Variants in SPEN observed in about 807,000 individuals in gnomAD.
SPEN encodes the protein spen family transcriptional repressor.
Under a neutral mutation model 269.9 loss-of-function variants are expected in SPEN, and 18 were observed. The observed-to-expected ratio is 0.07, with a 90% CI of 0.05 to 0.10. SPEN has a LOEUF of 0.10. Among genes scored for constraint, SPEN ranks in the 10% least tolerant of loss-of-function variants. The probability of loss-of-function intolerance (pLI) is 1.00; values close to 1 mark genes in which losing one functional copy is unlikely to be tolerated. For missense variants in SPEN, 3,822 were observed against 4,631.2 expected (o/e 0.83, Z 5.07); for synonymous variants, 1,726 against 1,765.7 (o/e 0.98, Z 0.56).
At chr1:15,921,010 C>A in intron 9 of SPEN, 27 bp downstream of exon 9, 1 of 1,430,982 alleles carries the variant, frequency 7.0e-7, no homozygotes, top group East Asian at 2.3e-5. Flanking sequence ...TAAACAGAAG[C>A]AAAACAAAGT....
intron 3 of SPEN, among the ~76,000 whole-genome samples, chr1:15,897,065 A>G (rs2070848398): frequency 6.6e-6 from 1 of 152,046 alleles, no homozygotes; most frequent in Non-Finnish European, 1.5e-5. Flanking sequence ...TGTCAGTTTC[A>G]CTCTACTAAT....
intron 1 of SPEN, among the ~76,000 whole-genome samples, chr1:15,859,316 C>T (rs556608604): frequency 9.3e-4 from 127 of 136,672 alleles, no homozygotes; most frequent in African/African-American, 3.3e-3. Flanking sequence ...CCACTGCACT[C>T]TATTTATAGT....
At chr1:15,879,004 C>CAAAAAAAAAAAAAAAAAAGAAAA in intron 3 of SPEN, among the ~76,000 whole-genome samples, 1 of 76,564 alleles carries the variant, frequency 1.3e-5, no homozygotes, top group Non-Finnish European at 2.5e-5. Flanking sequence ...GACTCTGTCT[C>CAAAAAAAAAAAAAAAAAAGAAAA]AAAAAAAAAA....
At chr1:15,857,829 T>A (rs7532799) in intron 1 of SPEN, among the ~76,000 whole-genome samples, 3 of 151,684 alleles carry the variant, frequency 2.0e-5, no homozygotes, top group Non-Finnish European at 4.4e-5. Flanking sequence ...TCCAGCTAAT[T>A]AAAAAAATTT....
At position 15,932,891 on chromosome 1, in the gene SPEN, G is replaced by T. The variant is rs147655905; in HGVS notation, c.6651G>T (p.Ala2217=). The change falls in exon 11 of 15, where the codon GCG becomes GCT. Residue 2217 remains alanine, a synonymous_variant. Transcript: ENST00000375759. The surrounding 1 kb of genome is among the most constrained non-coding windows in gnomAD (Gnocchi z 4.2). ...AHQASETELA[A]AIGSIINDIS... is the part of the protein sequence containing the mutation. ...AAGCAAGTGAAACAGAGCTGGCTGCGGCCATCGGCTCCATCATCAATGACA... is the reference window on the plus strand; with the variant it reads ...AAGCAAGTGAAACAGAGCTGGCTGCTGCCATCGGCTCCATCATCAATGACA... 3 of 1,614,222 alleles carry T rather than the reference G, an allele frequency of 1.9e-6. No homozygotes were observed. Among genetic ancestry groups the T allele is most frequent in the Non-Finnish European group, 2.5e-6 (3 of 1,180,042 alleles).
At chr1:15,867,480 G>A (rs1408969096) in intron 1 of SPEN, among the ~76,000 whole-genome samples, 1 of 152,158 alleles carries the variant, frequency 6.6e-6, no homozygotes, top group Non-Finnish European at 1.5e-5. Context: ...TTATAGGCCT[G>A]AGCCACCACG....
chr1:15,877,038 T>C (rs1308280051), intron 3 of SPEN, among the ~76,000 whole-genome samples: 3 of 152,216 alleles, frequency 2.0e-5, no homozygotes, highest in African/African-American at 7.2e-5. Context: ...ATTTCTATTA[T>C]TTTGATTGAA....
At chr1:15,864,102 T>C (rs906150776) in intron 1 of SPEN, among the ~76,000 whole-genome samples, 2 of 151,740 alleles carry the variant, frequency 1.3e-5, no homozygotes, top group Non-Finnish European at 2.9e-5. Flanking sequence ...CTGTATGATA[T>C]ACATATATGA....
intron 3 of SPEN, among the ~76,000 whole-genome samples, chr1:15,885,170 T>G (rs1328280315): frequency 6.6e-6 from 1 of 152,184 alleles, no homozygotes; most frequent in Non-Finnish European, 1.5e-5. Context: ...CTGGATTCAG[T>G]GGTAGATATA....
chr1:15,913,866 G>GA (rs138750153), intron 5 of SPEN, among the ~76,000 whole-genome samples: 5 of 151,980 alleles, frequency 3.3e-5, no homozygotes, highest in African/African-American at 1.2e-4. Flanking sequence ...CCAAGGGGGA[G>GA]AAAAAAAGAA....
chr1:15,906,087 C>G (rs1203861307), intron 3 of SPEN, among the ~76,000 whole-genome samples: 1 of 152,076 alleles, frequency 6.6e-6, no homozygotes, highest in East Asian at 1.9e-4. Context: ...TGTGAATAAT[C>G]TTGTATTAAT....
At position 15,931,460 on chromosome 1, in the gene SPEN, C is replaced by G; in HGVS notation, c.5220C>G (p.Ala1740=). 6.2e-7 allele frequency: 1 copy of G among 1,614,108 alleles called. No homozygotes were observed. Among genetic ancestry groups the G allele is most frequent in the Non-Finnish European group, 8.5e-7 (1 of 1,180,012 alleles). Residue 1740 remains alanine, a synonymous_variant, in exon 11 of 15, where the codon GCC becomes GCG. Coordinates refer to ENST00000375759, the MANE Select transcript of SPEN (RefSeq NM_015001.3). This position sits in a 1 kb window ranked among gnomAD's most constrained non-coding sequence, Gnocchi z 4.8. ...ATGCCAAGCCTCCAACTCCCGGGGC[C>G]TCGTTTTCCCAGGCAGAGAGCAACG... ...YLDAKPPTPG[A]SFSQAESNVD... is the part of the protein sequence containing the mutation.
chr1:15,897,871 T>TTGAA (rs535107145), intron 3 of SPEN, among the ~76,000 whole-genome samples: 209 of 152,362 alleles, frequency 1.4e-3, no homozygotes, highest in African/African-American at 4.9e-3. Context: ...TTTAGATCGC[T>TTGAA]TTTCAATAAC....
Position 15,876,682 on chromosome 1 carries a change from G to C in SPEN, c.881+4G>C. The C allele has an allele frequency of 6.2e-7, 1 of 1,602,280 alleles. No individual in the cohort carries two copies. Reference sequence around the variant, plus strand: ...GCAGTAGTACCAGCAGTGACAGGTAGGTTAACAGCCTTTTGTTATAACAGA... The same window carrying C: ...GCAGTAGTACCAGCAGTGACAGGTACGTTAACAGCCTTTTGTTATAACAGA... On this transcript the variant is annotated splice_donor_region_variant and intron_variant, in intron 3 of 14. Coordinates refer to ENST00000375759, the MANE Select transcript of SPEN (RefSeq NM_015001.3).
rs2071245012 is a variant in SPEN at position 15,933,671 on chromosome 1, A to G, written c.7431A>G (p.Ala2477=). 1.2e-6 allele frequency: 2 copies of G among 1,614,156 alleles called. No individual in the cohort carries two copies. Among genetic ancestry groups the G allele is most frequent in the Non-Finnish European group, 1.7e-6 (2 of 1,180,030 alleles). The part of the protein sequence containing the change: ...IPIPTLPSVT[A]AKLSPPVASG... ...TACCCACACTGCCTTCTGTAACTGCAGCAAAGCTCTCACCTCCTGTCGCCT... is the reference window on the plus strand; with the variant it reads ...TACCCACACTGCCTTCTGTAACTGCGGCAAAGCTCTCACCTCCTGTCGCCT... Residue 2477 remains alanine (A), a synonymous_variant, in exon 11 of 15, where the codon GCA becomes GCG. Coordinates refer to ENST00000375759, the MANE Select transcript of SPEN (RefSeq NM_015001.3). This position sits in a 1 kb window ranked among gnomAD's most constrained non-coding sequence, Gnocchi z 5.7.
At chr1:15,897,571 G>T (rs1486912085) in intron 3 of SPEN, among the ~76,000 whole-genome samples, 1 of 152,030 alleles carries the variant, frequency 6.6e-6, no homozygotes, top group Non-Finnish European at 1.5e-5. Context: ...AAGTTGGTCA[G>T]GCTGGTCTTC....
intron 1 of SPEN, among the ~76,000 whole-genome samples, chr1:15,850,146 CT>C (rs997115257): frequency 3.9e-5 from 6 of 152,026 alleles, no homozygotes; most frequent in African/African-American, 1.4e-4. Context: ...CCAGGACCCA[CT>C]TTATGTGGGA....
rs60005872 is a variant in SPEN at position 15,860,378 on chromosome 1, G to GGTGTGTGTGT, written c.83+12259_83+12268dup. Among the ~76,000 whole-genome samples the GGTGTGTGTGT allele has an allele frequency of 9.7e-3, 1,181 of 121,186 alleles. 9 individuals carry two copies. The highest frequency in any genetic ancestry group is 0.026 in the South Asian group (80 of 3,126). 79.5% of individuals were successfully genotyped at this position (121,186 alleles called of 152,430 possible). On this transcript the variant is annotated intron_variant, in intron 1 of 14. Transcript: ENST00000375759. The stretch of plus-strand genomic sequence containing the variant: ...TCTCAGCCTCCCAAGTAGCTTCAGA[G>GGTGTGTGTGT]GTGTGTGTGTGTGTGTGTGTGTGTG...
intron 1 of SPEN, among the ~76,000 whole-genome samples, chr1:15,855,779 C>T (rs1467734475): frequency 6.6e-6 from 1 of 151,462 alleles, no homozygotes; most frequent in African/African-American, 2.4e-5. Context: ...AGGAGAATCG[C>T]TTGAACCCAG....
Sources: gnomAD v4.1 joint callset for allele counts (sites outside exome capture counted in the v4.1 genomes callset) on GRCh38, gnomAD v4.1.1 for gene constraint, Gnocchi (gnomAD v3.1) non-coding constraint, MANE v1.5 for transcripts, NCBI Gene and HGNC (gene_info 2026-07-23, HGNC 2026-07-21) for gene names.